Variants in SAMD3 observed in about 807,000 individuals in gnomAD.
The protein encoded by SAMD3 is sterile alpha motif domain containing 3.
SAMD3 carries 63 observed loss-of-function variants against 58.5 expected under a neutral mutation model. The observed-to-expected ratio is 1.08, with a 90% CI of 0.88 to 1.33. The LOEUF (loss-of-function observed/expected upper bound fraction) is 1.33. Ranked by LOEUF, SAMD3 falls within the 40% of genes most tolerant of loss-of-function variation. The pLI is 0.00. For synonymous variants in SAMD3, 220 were observed against 210.3 expected (o/e 1.05, Z -0.40); for missense variants, 604 against 608.4 (o/e 0.99, Z 0.08).
chr6:130,311,038 G>T (rs972365385), intron 2 of SAMD3, among the ~76,000 whole-genome samples: 6 of 152,132 alleles, frequency 3.9e-5, no homozygotes, highest in Non-Finnish European at 8.8e-5. Flanking sequence ...CCAGCGCTGG[G>T]GAGGGCTGAA....
chr6:130,212,057 T>A (rs963742869), intron 4 of SAMD3, among the ~76,000 whole-genome samples: 7 of 151,724 alleles, frequency 4.6e-5, no homozygotes, highest in African/African-American at 1.7e-4. Flanking sequence ...AAGAGGGGGT[T>A]AAAATCAGAT....
At chr6:130,207,680 C>T (rs1795198140) in intron 5 of SAMD3, among the ~76,000 whole-genome samples, 1 of 152,316 alleles carries the variant, frequency 6.6e-6, no homozygotes, top group Non-Finnish European at 1.5e-5. Flanking sequence ...TGAATTTCCA[C>T]TTTCTGAATC....
intron 1 of SAMD3, among the ~76,000 whole-genome samples, chr6:130,327,848 C>A (rs720710): frequency 0.45 from 68,118 of 152,010 alleles, 17,667 homozygotes; most frequent in African/African-American, 0.72. Flanking sequence ...CTGATGAAAC[C>A]TATACGTGAA....
At position 130,175,820 on chromosome 6, in the gene SAMD3, CATTTAGGA is replaced by C. The variant is rs772298446; in HGVS notation, c.822+13_822+20del. On this transcript the variant is annotated intron_variant, in intron 8 of 11. Transcript: ENST00000439090. ...ATATCAATCTATCAAGTCATCAGAA[CATTTAGGA>C]ATTCAATCTTACTTTTATCTGGACA... The C allele has an allele frequency of 2.0e-6, 3 of 1,511,352 alleles. No individual in the cohort carries two copies. The highest frequency in any genetic ancestry group is 1.8e-6 in the Non-Finnish European group (2 of 1,090,598). 93.6% of individuals were successfully genotyped at this position (1,511,352 alleles called of 1,614,324 possible). A position where few individuals can be genotyped will look rare whatever the true frequency, so the allele number is the denominator to read the frequency against.
intron 9 of SAMD3, among the ~76,000 whole-genome samples, chr6:130,152,575 G>A (rs1789313580): frequency 6.6e-6 from 1 of 152,090 alleles, no homozygotes; most frequent in Admixed American, 6.6e-5. Context: ...TACTTGGGAG[G>A]CTGAGGCAGG....
At chr6:130,207,880 G>A (rs907932770) in intron 5 of SAMD3, among the ~76,000 whole-genome samples, 1 of 152,194 alleles carries the variant, frequency 6.6e-6, no homozygotes, top group African/African-American at 2.4e-5. Context: ...GGAGAGCCCA[G>A]AGCCAAAGCC....
At chr6:130,242,858 C>T (rs1773411074) in intron 2 of SAMD3, among the ~76,000 whole-genome samples, 1 of 152,200 alleles carries the variant, frequency 6.6e-6, no homozygotes, top group Non-Finnish European at 1.5e-5. Context: ...GAGCCGGCAT[C>T]CCTTTGATAG....
intron 2 of SAMD3, among the ~76,000 whole-genome samples, chr6:130,239,272 G>T (rs6908324): frequency 0.019 from 2,817 of 152,214 alleles, 94 homozygotes; most frequent in African/African-American, 0.064. Context: ...ATGGTGTGGG[G>T]TGTACCATTT....
chr6:130,348,170 C>A (rs1198226079), intron 1 of SAMD3, among the ~76,000 whole-genome samples: 1 of 152,086 alleles, frequency 6.6e-6, no homozygotes, highest in Non-Finnish European at 1.5e-5. Context: ...CTGCAGCAAC[C>A]AATGAGCAAA....
intron 5 of SAMD3, among the ~76,000 whole-genome samples, chr6:130,207,976 G>T (rs1427481135): frequency 6.6e-6 from 1 of 152,248 alleles, no homozygotes; most frequent in Non-Finnish European, 1.5e-5. Flanking sequence ...ATCCAAGGCT[G>T]TTGCCCTCAG....
rs565010018 is a variant in SAMD3, at chr6:130,232,417, T to C, written c.-187-9604A>G. ...CTCTTTACAGGCTGTCTTACTATCC[T>C]GTTTCATTTTTCTGCTCCTTTCCTA... On this transcript the variant is annotated intron_variant, in intron 2 of 13. Coordinates refer to the SAMD3 transcript ENST00000368134. 3.9e-5 allele frequency among the ~76,000 whole-genome samples: 6 copies of C among 152,330 alleles called. No homozygotes were observed. The South Asian group carries it at 6.2e-4, about 16-fold the overall frequency.
chr6:130,340,872 T>A (rs939198222), intron 1 of SAMD3, among the ~76,000 whole-genome samples: 4 of 152,238 alleles, frequency 2.6e-5, no homozygotes, highest in Admixed American at 2.6e-4. Flanking sequence ...TGTGCTTCAG[T>A]CTTTTCTTAA....
At chr6:130,317,262 C>A (rs978833607) in intron 1 of SAMD3, among the ~76,000 whole-genome samples, 1 of 152,196 alleles carries the variant, frequency 6.6e-6, no homozygotes, top group Non-Finnish European at 1.5e-5. Flanking sequence ...GGAAGGCTGA[C>A]ATTCCAGATT....
At chr6:130,339,667 C>T (rs866926028) in intron 1 of SAMD3, among the ~76,000 whole-genome samples, 1 of 152,150 alleles carries the variant, frequency 6.6e-6, no homozygotes, top group Non-Finnish European at 1.5e-5. Context: ...GTTTTTTATA[C>T]CAGTATGAGA....
chr6:130,270,808 A>T (rs924595245), intron 2 of SAMD3, among the ~76,000 whole-genome samples: 4 of 152,144 alleles, frequency 2.6e-5, no homozygotes, highest in Admixed American at 6.5e-5. Context: ...ATATTAGGGT[A>T]TTTTTTGTTG....
At chr6:130,245,378 C>T (rs932712982) in intron 2 of SAMD3, among the ~76,000 whole-genome samples, 63 of 152,194 alleles carry the variant, frequency 4.1e-4, no homozygotes, top group Non-Finnish European at 4.0e-4. Context: ...TTCAAAACTC[C>T]CACTTTTTTC....
chr6:130,334,411 GA>G (rs68037405), intron 1 of SAMD3, among the ~76,000 whole-genome samples: 68,036 of 151,962 alleles, frequency 0.45, 17,622 homozygotes, highest in African/African-American at 0.72. Flanking sequence ...GTCCTTTCCT[GA>G]AAAAAAGGTA....
In SAMD3 at chr6:130,144,436, C is replaced by T. The variant is rs1788430957; in HGVS notation, c.*84G>A. The T allele has an allele frequency of 2.9e-6, 4 of 1,356,000 alleles. No homozygotes were observed. In the South Asian group the frequency reaches 5.7e-5, roughly 19 times the overall value. The allele number at this position is 1,356,000 out of a possible 1,614,324, so 84.0% of individuals were successfully genotyped here. A position where few individuals can be genotyped will look rare whatever the true frequency, so the allele number is the denominator to read the frequency against. ...CAAGATGATTTTCTCATACCTACCT[C>T]TACCACAACCCTAAATCAAAACAAT... On this transcript the variant is annotated 3_prime_UTR_variant, in exon 12 of 12. Transcript: ENST00000439090.
chr6:130,295,669 C>G (rs1486182337), intron 2 of SAMD3, among the ~76,000 whole-genome samples: 1 of 152,114 alleles, frequency 6.6e-6, no homozygotes, highest in Non-Finnish European at 1.5e-5. Context: ...ATAATTGGCC[C>G]ATATTAATCA....
Sources: allele counts gnomAD v4.1 joint callset (sites outside exome capture counted in the v4.1 genomes callset), GRCh38; gene constraint gnomAD v4.1.1; transcripts MANE v1.5; gene names NCBI Gene and HGNC (gene_info 2026-07-23, HGNC 2026-07-21).